The following CADM1 variants were observed in gnomAD, a reference collection of about 807,000 sequenced individuals.
CADM1 encodes TSLC-1.
A neutral mutation model predicts 53.1 loss-of-function variants in CADM1; 15 were observed. The observed-to-expected ratio is 0.28, with a 90% CI of 0.19 to 0.44. The LOEUF is 0.44. CADM1 is among the 20% of genes least tolerant of loss of function. The pLI, the probability that CADM1 is intolerant of heterozygous loss-of-function variation, is 1.00. For synonymous variants in CADM1, 281 were observed against 243.0 expected, an observed-to-expected ratio of 1.16 and a Z score of -1.45; for missense variants, 434 against 611.3, an observed-to-expected ratio of 0.71 and a Z score of 3.06.
chr11:115,491,565 CA>C (rs1164044775), intron 1 of CADM1, among the ~76,000 whole-genome samples: 13 of 142,928 alleles, frequency 9.1e-5, no homozygotes, highest in Admixed American at 2.1e-4. Context: ...GACTCCATCT[CA>C]AAAAAAAAAG....
chr11:115,184,986 C>G (rs1437581998), intron 10 of CADM1, among the ~76,000 whole-genome samples: 5 of 152,202 alleles, frequency 3.3e-5, no homozygotes, highest in Non-Finnish European at 7.3e-5. Flanking sequence ...GACTTGCTGT[C>G]ATTTCTGGGA....
At chr11:115,497,946 T>C (rs1949656203) in intron 1 of CADM1, among the ~76,000 whole-genome samples, 1 of 145,772 alleles carries the variant, frequency 6.9e-6, no homozygotes, top group African/African-American at 2.5e-5. Flanking sequence ...TTATAGTCCA[T>C]ATTTAATGAA....
chr11:115,452,833 G>T (rs1948604021), intron 1 of CADM1, among the ~76,000 whole-genome samples: 1 of 152,118 alleles, frequency 6.6e-6, no homozygotes, highest in African/African-American at 2.4e-5. Flanking sequence ...TCACTTCTGG[G>T]TAAAATCTAT....
chr11:115,454,535 G>C (rs1948643953), intron 1 of CADM1, among the ~76,000 whole-genome samples: 1 of 152,168 alleles, frequency 6.6e-6, no homozygotes, highest in Non-Finnish European at 1.5e-5. Context: ...CCTCTTAAAA[G>C]CTGGTTTTGC....
At chr11:115,477,071 A>G (rs1949150054) in intron 1 of CADM1, among the ~76,000 whole-genome samples, 1 of 152,166 alleles carries the variant, frequency 6.6e-6, no homozygotes, top group Non-Finnish European at 1.5e-5. Context: ...CGGGCAGGAT[A>G]GGGCAGGATA....
chr11:115,199,273 C>G (rs1446908595), intron 8 of CADM1, among the ~76,000 whole-genome samples: 1 of 152,230 alleles, frequency 6.6e-6, no homozygotes, highest in Non-Finnish European at 1.5e-5. Context: ...CTTTCGCTCA[C>G]AATTCAGAAC....
At chr11:115,260,703 C>T (rs942534731) in intron 1 of CADM1, among the ~76,000 whole-genome samples, 4 of 151,886 alleles carry the variant, frequency 2.6e-5, no homozygotes, top group African/African-American at 4.8e-5. Flanking sequence ...GACGGGGTCT[C>T]GCTCTGTTGC....
At chr11:115,397,036 A>C (rs1419292735) in intron 1 of CADM1, 1 of 152,170 alleles carries the variant, frequency 6.6e-6, no homozygotes, top group Non-Finnish European at 1.5e-5. Context: ...AATTATGAAT[A>C]AGCCTCGTTA....
intron 1 of CADM1, among the ~76,000 whole-genome samples, chr11:115,324,338 A>G (rs1391766475): frequency 6.6e-6 from 1 of 152,190 alleles, no homozygotes; most frequent in Non-Finnish European, 1.5e-5. Flanking sequence ...ATAAGGCAAA[A>G]GAAAACAAAA....
In CADM1 at chr11:115,217,972, A is replaced by ATTT. The variant is rs750466462; in HGVS notation, c.740_741insAAA (p.Ile247_Gln248insAsn). ...AGCCTTGTAGAGGATAAGTCATCTG[A>ATTT]ATGTGCACTTGAGGCTTATCTGTGT... On this transcript the variant is annotated inframe_insertion, in exon 6 of 12. Coordinates refer to ENST00000331581, the MANE Select transcript of CADM1 (RefSeq NM_001301043.2). The ATTT allele has an allele frequency of 6.2e-7, 1 of 1,612,912 alleles. No homozygotes were observed. Among genetic ancestry groups the ATTT allele is most frequent in the Middle Eastern group, 1.7e-4 (1 of 6,054 alleles).
intron 1 of CADM1, among the ~76,000 whole-genome samples, chr11:115,455,132 T>C (rs1056068275): frequency 2.0e-5 from 3 of 152,202 alleles, no homozygotes; most frequent in African/African-American, 7.2e-5. Flanking sequence ...TTTTCTTTTT[T>C]CAGATTCTTG....
chr11:115,459,301 C>A (rs187123625), intron 1 of CADM1, among the ~76,000 whole-genome samples: 1 of 152,294 alleles, frequency 6.6e-6, no homozygotes, highest in Admixed American at 6.5e-5. Context: ...CCCCACCCAA[C>A]AAAAGGCCTA....
At chr11:115,196,012 T>C (rs1940129303) in intron 9 of CADM1, among the ~76,000 whole-genome samples, 1 of 152,184 alleles carries the variant, frequency 6.6e-6, no homozygotes, top group Admixed American at 6.5e-5. Context: ...ATATACAAAA[T>C]ACAATAAATC....
intron 8 of CADM1, among the ~76,000 whole-genome samples, chr11:115,202,845 T>C (rs578150223): frequency 2.1e-5 from 3 of 145,014 alleles, no homozygotes; most frequent in Admixed American, 2.0e-4. Context: ...ATTAAATATA[T>C]GGTGGGTTTT....
At chr11:115,498,867 T>C (rs530930210) in intron 1 of CADM1, among the ~76,000 whole-genome samples, 1 of 152,224 alleles carries the variant, frequency 6.6e-6, no homozygotes, top group Non-Finnish European at 1.5e-5. Context: ...GAAGAAATGA[T>C]AGGATGTTCA....
intron 11 of CADM1, among the ~76,000 whole-genome samples, chr11:115,177,864 C>T (rs1939111332): frequency 6.6e-6 from 1 of 152,132 alleles, no homozygotes; most frequent in South Asian, 2.1e-4. Flanking sequence ...CCCCCAAACC[C>T]AAGTTCAACA....
At chr11:115,282,172 G>A (rs1943604400) in intron 1 of CADM1, among the ~76,000 whole-genome samples, 1 of 152,124 alleles carries the variant, frequency 6.6e-6, no homozygotes. Context: ...GTCTTATATG[G>A]ATTATCTTTT....
At chr11:115,295,530 A>ATAT (rs1366405114) in intron 1 of CADM1, among the ~76,000 whole-genome samples, 1 of 88,788 alleles carries the variant, frequency 1.1e-5, no homozygotes, top group Non-Finnish European at 1.9e-5. Context: ...ATATATATAT[A>ATAT]TATATATATA....
intron 8 of CADM1, among the ~76,000 whole-genome samples, chr11:115,206,758 C>CATTTTTTTTTT (rs1940705764): frequency 2.6e-5 from 1 of 38,206 alleles, no homozygotes; most frequent in African/African-American, 9.7e-5. Flanking sequence ...CTGTGGACTT[C>CATTTTTTTTTT]TTTTTTTTTT....
Sources: allele counts gnomAD v4.1 joint callset (sites outside exome capture counted in the v4.1 genomes callset), GRCh38; gene constraint gnomAD v4.1.1; transcripts MANE v1.5; gene names NCBI Gene and HGNC (gene_info 2026-07-23, HGNC 2026-07-21).